CBR4: variants seen among roughly 807,000 people sequenced by gnomAD.
CBR4 encodes the protein carbonyl reductase 4, also known as 3-oxoacyl-[acyl-carrier-protein] reductase.
Under a neutral mutation model 21.0 loss-of-function variants are expected in CBR4, and 22 were observed. The observed-to-expected ratio is 1.05, with a 90% CI of 0.75 to 1.50. The LOEUF (loss-of-function observed/expected upper bound fraction) is 1.50, where lower values mean the gene tolerates loss of function less well. CBR4 is among the 40% of genes most tolerant of loss of function. The pLI is 0.00. For missense variants in CBR4, 302 were observed against 286.3 expected, an observed-to-expected ratio of 1.05 and a Z score of -0.40; for synonymous variants, 100 against 104.4, an observed-to-expected ratio of 0.96 and a Z score of 0.26.
At chr4:168,963,838 A>G (rs1216514452) in intron 2 of CBR4, among the ~76,000 whole-genome samples, 1 of 152,180 alleles carries the variant, frequency 6.6e-6, no homozygotes, top group African/African-American at 2.4e-5. Flanking sequence ...CCAAGACCAA[A>G]GAAACAAAAA....
chr4:168,943,996 G>A (rs1412986868), intron 2 of CBR4, among the ~76,000 whole-genome samples: 1 of 152,124 alleles, frequency 6.6e-6, no homozygotes, highest in Non-Finnish European at 1.5e-5. Context: ...GTATTGAACA[G>A]GGAGACTCTA....
intron 2 of CBR4, chr4:168,927,328 T>C (rs1762693183): frequency 4.3e-6 from 1 of 232,140 alleles, no homozygotes; most frequent in Admixed American, 5.6e-5. Context: ...TCTTCAAACA[T>C]AGGTGAAAAA....
chr4:168,896,067 G>A (rs558640523), intron 2 of CBR4, among the ~76,000 whole-genome samples: 18 of 152,210 alleles, frequency 1.2e-4, no homozygotes, highest in African/African-American at 2.6e-4. Context: ...AAAATTAGCC[G>A]GGTGTGGTGG....
intron 2 of CBR4, among the ~76,000 whole-genome samples, chr4:168,907,436 C>G (rs576704907): frequency 2.8e-4 from 42 of 152,266 alleles, no homozygotes; most frequent in African/African-American, 9.9e-4. Context: ...ATTTTATCAC[C>G]TCCATGGGAA....
At chr4:168,899,526 TA>T (rs1755992047) in intron 2 of CBR4, among the ~76,000 whole-genome samples, 1 of 152,198 alleles carries the variant, frequency 6.6e-6, no homozygotes, top group Admixed American at 6.5e-5. Flanking sequence ...TTGCCTTATA[TA>T]AAGGTAATAA....
chr4:168,948,315 G>A (rs1175152618), intron 2 of CBR4, among the ~76,000 whole-genome samples: 1 of 152,102 alleles, frequency 6.6e-6, no homozygotes, highest in Non-Finnish European at 1.5e-5. Context: ...CCCACTCTGT[G>A]GGTTGTCTGT....
intron 2 of CBR4, among the ~76,000 whole-genome samples, chr4:168,962,590 T>A (rs1413087481): frequency 6.6e-6 from 1 of 152,208 alleles, no homozygotes; most frequent in Non-Finnish European, 1.5e-5. Context: ...GATGATGAGT[T>A]CCATTTTGTA....
Position 169,009,816 on chromosome 4 carries a change from G to C in CBR4, c.142+132C>G, listed in dbSNP as rs1034848365. ...GACGCATTCTACCCTTGGAACGGGA[G>C]AGCGCCTGCACGCGGCTACATCGAG... On this transcript the variant is annotated intron_variant, in intron 1 of 4. Transcript: ENST00000306193. The C allele has an allele frequency of 3.7e-6, 3 of 801,694 alleles. No individual in the cohort carries two copies. In the South Asian group the frequency reaches 5.7e-5, roughly 15 times the overall value. 49.7% of individuals were successfully genotyped at this position (801,694 alleles called of 1,614,324 possible).
intron 2 of CBR4, among the ~76,000 whole-genome samples, chr4:168,911,580 G>C (rs566341892): frequency 6.6e-6 from 1 of 152,264 alleles, no homozygotes; most frequent in African/African-American, 2.4e-5. Flanking sequence ...GCATCAGTTG[G>C]ATAGTTCATG....
At chr4:168,961,150 A>AT (rs1392414744) in intron 2 of CBR4, among the ~76,000 whole-genome samples, 1 of 151,982 alleles carries the variant, frequency 6.6e-6, no homozygotes, top group Non-Finnish European at 1.5e-5. Context: ...TCCTATTGAA[A>AT]TTTTTTTTCT....
chr4:168,904,184 T>C (rs533310793), intron 2 of CBR4: 18 of 419,870 alleles, frequency 4.3e-5, no homozygotes, highest in South Asian at 4.1e-4. Flanking sequence ...GTTGCAGTGG[T>C]AGACTGGACA....
At chr4:168,954,386 T>C (rs1175951667) in intron 2 of CBR4, among the ~76,000 whole-genome samples, 1 of 152,174 alleles carries the variant, frequency 6.6e-6, no homozygotes, top group East Asian at 1.9e-4. Flanking sequence ...TTCATGGTTC[T>C]GAAGGCTGAG....
At chr4:168,962,914 T>C (rs1763904477) in intron 2 of CBR4, among the ~76,000 whole-genome samples, 1 of 152,096 alleles carries the variant, frequency 6.6e-6, no homozygotes. Context: ...TTGGAATTCT[T>C]AAAGACAGAG....
chr4:168,963,594 C>A (rs1056429502), intron 2 of CBR4, among the ~76,000 whole-genome samples: 1 of 151,936 alleles, frequency 6.6e-6, no homozygotes, highest in Non-Finnish European at 1.5e-5. Flanking sequence ...CCTCAGCCTC[C>A]CAAATAGCTG....
chr4:168,963,975 T>C (rs1667318678), intron 2 of CBR4, among the ~76,000 whole-genome samples: 1 of 152,050 alleles, frequency 6.6e-6, no homozygotes, highest in Admixed American at 6.5e-5. Flanking sequence ...TCACAATGAA[T>C]GGCAGTATTC....
intron 4 of CBR4, 22 bp downstream of exon 4, chr4:169,002,048 AT>A: frequency 6.5e-7 from 1 of 1,528,516 alleles, no homozygotes; most frequent in Middle Eastern, 2.2e-4. Flanking sequence ...TAATCAAGTT[AT>A]TTTAATAAAG....
At chr4:168,911,550 C>T (rs1288499105) in intron 2 of CBR4, among the ~76,000 whole-genome samples, 8 of 152,172 alleles carry the variant, frequency 5.3e-5, no homozygotes, top group Non-Finnish European at 1.2e-4. Context: ...TTTAAGTGTT[C>T]ATGTGTTATC....
At chr4:168,897,076 CCGCCT>C (rs1755364511) in intron 2 of CBR4, among the ~76,000 whole-genome samples, 1 of 152,174 alleles carries the variant, frequency 6.6e-6, no homozygotes, top group Non-Finnish European at 1.5e-5. Context: ...GGTGATCCAC[CCGCCT>C]TGGCTTCCCA....
At chr4:168,971,436 A>ATTTTTTTTTTTTTTTTT (rs70961566) in intron 2 of CBR4, among the ~76,000 whole-genome samples, 1 of 114,118 alleles carries the variant, frequency 8.8e-6, no homozygotes, top group African/African-American at 3.6e-5. Flanking sequence ...TGCCCAGCTC[A>ATTTTTTTTTTTTTTTTT]TTTTTTTTTT....
Sources: allele counts gnomAD v4.1 joint callset (sites outside exome capture counted in the v4.1 genomes callset), GRCh38; gene constraint gnomAD v4.1.1; transcripts MANE v1.5; gene names NCBI Gene and HGNC (gene_info 2026-07-23, HGNC 2026-07-21).